The following PCDHGA10 variants were observed in gnomAD, a reference collection of about 807,000 sequenced individuals.
PCDHGA10 encodes the protein protocadherin gamma subfamily A, 10.
PCDHGA10 carries 42 observed loss-of-function variants against 59.5 expected under a neutral mutation model. The observed-to-expected ratio is 0.71, with a 90% CI of 0.55 to 0.91. The LOEUF (loss-of-function observed/expected upper bound fraction) is 0.91, where lower values mean the gene tolerates loss of function less well. Among genes scored for constraint, PCDHGA10 ranks in the 40% least tolerant of loss-of-function variants. PCDHGA10 has a pLI of 0.00. For synonymous variants in PCDHGA10, 511 were observed against 517.2 expected (o/e 0.99, Z 0.16); for missense variants, 1,111 against 1,198.2 (o/e 0.93, Z 1.07).
intron 1 of PCDHGA10, among the ~76,000 whole-genome samples, chr5:141,492,490 G>C (rs2099741140): frequency 6.6e-6 from 1 of 152,208 alleles, no homozygotes; most frequent in Non-Finnish European, 1.5e-5. Context: ...CCAGGACCAG[G>C]CGAGGACTCC....
intron 1 of PCDHGA10, among the ~76,000 whole-genome samples, chr5:141,434,854 A>G (rs2097723190): frequency 6.6e-6 from 1 of 151,936 alleles, no homozygotes; most frequent in Admixed American, 6.6e-5. Context: ...ACATCAATAA[A>G]TTTATATATA....
intron 1 of PCDHGA10, chr5:141,419,575 C>T (rs2096401495): frequency 6.2e-7 from 1 of 1,611,782 alleles, no homozygotes. Context: ...CCGACGGCTC[C>T]GCGCTCTTCG....
At chr5:141,507,797 C>A (rs933921827) in intron 3 of PCDHGA10, among the ~76,000 whole-genome samples, 1 of 152,240 alleles carries the variant, frequency 6.6e-6, no homozygotes, top group Admixed American at 6.5e-5. Context: ...TCTAAGCCTG[C>A]GCCCTGGGGA....
At chr5:141,461,009 A>T (rs1407993113) in intron 1 of PCDHGA10, among the ~76,000 whole-genome samples, 1 of 151,542 alleles carries the variant, frequency 6.6e-6, no homozygotes, top group Admixed American at 6.6e-5. Flanking sequence ...GTATATATAT[A>T]TACCACATTT....
Position 141,414,233 on chromosome 5 carries a change from T to A in PCDHGA10, c.1058T>A (p.Ile353Asn). ...DVNDNSPELTITSLFSPVTED... is the reference protein window; with the variant it reads ...DVNDNSPELTNTSLFSPVTED... ...AATGACAACAGTCCAGAGCTGACCA[T>A]CACGTCTCTATTTAGTCCAGTGACT... The change falls in exon 1 of 4, where the codon ATC (isoleucine) becomes AAC (asparagine). Residue 353 changes from isoleucine to asparagine, a missense_variant. Coordinates refer to ENST00000398610, the MANE Select transcript of PCDHGA10 (RefSeq NM_018913.3). 1 of 1,613,474 alleles carries A rather than the reference T, an allele frequency of 6.2e-7. No individual in the cohort carries two copies. Among genetic ancestry groups the A allele is most frequent in the Non-Finnish European group, 8.5e-7 (1 of 1,179,802 alleles).
At chr5:141,503,023 A>T (rs1163676028) in intron 2 of PCDHGA10, among the ~76,000 whole-genome samples, 1 of 141,884 alleles carries the variant, frequency 7.0e-6, no homozygotes, top group African/African-American at 2.6e-5. Context: ...TTTTTTTTTT[A>T]ATATCTATTT....
Position 141,487,272 on chromosome 5 carries a change from T to C in PCDHGA10, c.2437-7535T>C. 6.2e-7 allele frequency: 1 copy of C among 1,614,148 alleles called. No homozygotes were observed. The highest frequency in any genetic ancestry group is 8.5e-7 in the Non-Finnish European group (1 of 1,180,036). Reference sequence around the variant, plus strand: ...TACTTGGCTGTGTCCCTAGTGGCAATTTGCTTTGTCTCCTTTGGCTCATTC... The same window carrying C: ...TACTTGGCTGTGTCCCTAGTGGCAACTTGCTTTGTCTCCTTTGGCTCATTC... On this transcript the variant is annotated intron_variant, in intron 1 of 3. Coordinates refer to ENST00000398610, the MANE Select transcript of PCDHGA10 (RefSeq NM_018913.3). This position sits in a 1 kb window ranked among gnomAD's most constrained non-coding sequence, Gnocchi z 5.0.
At chr5:141,509,169 T>C (rs1321257504) in intron 3 of PCDHGA10, among the ~76,000 whole-genome samples, 2 of 152,174 alleles carry the variant, frequency 1.3e-5, no homozygotes, top group African/African-American at 4.8e-5. Context: ...TGTGCCCTCC[T>C]CCTCTTATGC....
chr5:141,426,437 C>T (rs914971616), intron 1 of PCDHGA10: 6 of 300,546 alleles, frequency 2.0e-5, no homozygotes, highest in South Asian at 6.4e-5. Flanking sequence ...GGGAACCTTG[C>T]GGAGGACATG....
intron 1 of PCDHGA10, among the ~76,000 whole-genome samples, chr5:141,451,107 C>G (rs768308463): frequency 1.2e-4 from 18 of 152,118 alleles, no homozygotes; most frequent in Non-Finnish European, 2.4e-4. Context: ...GGATTACAGG[C>G]GTGAGCCACC....
At chr5:141,438,635 T>TAC (rs56854727) in intron 1 of PCDHGA10, among the ~76,000 whole-genome samples, 5 of 33,422 alleles carry the variant, frequency 1.5e-4, no homozygotes, top group Admixed American at 8.3e-4. Flanking sequence ...TATATATATA[T>TAC]ACACACACAC....
chr5:141,497,840 C>T (rs1326804289), intron 2 of PCDHGA10, among the ~76,000 whole-genome samples: 1 of 152,154 alleles, frequency 6.6e-6, no homozygotes, highest in Non-Finnish European at 1.5e-5. Context: ...CCGGCCACAA[C>T]AAACATTTTT....
chr5:141,415,304 C>T lies in PCDHGA10; in HGVS notation c.2129C>T (p.Ala710Val), dbSNP rs1468756434. 2 of 1,614,188 alleles carry T rather than the reference C, an allele frequency of 1.2e-6. No homozygotes were observed. The highest frequency in any genetic ancestry group is 8.5e-7 in the Non-Finnish European group (1 of 1,180,032). The change falls in exon 1 of 4, where the codon GCC becomes GTC. Residue 710 changes from alanine to valine, a missense_variant. Ala to Val is a moderately conservative substitution (Grantham distance 64, BLOSUM62 0). Transcript: ENST00000398610. ...AVAAVSCVFL[A>V]FVIVLLAHRL... ...GCCGCGGTCTCCTGCGTCTTCCTGG[C>T]CTTCGTCATCGTGCTGCTGGCGCAC...
chr5:141,460,783 T>G (rs1000959104), intron 1 of PCDHGA10, among the ~76,000 whole-genome samples: 1 of 152,030 alleles, frequency 6.6e-6, no homozygotes, highest in Non-Finnish European at 1.5e-5. Flanking sequence ...TGTATACATA[T>G]ATACACACAA....
chr5:141,429,395 A>AAT (rs2097212201), intron 1 of PCDHGA10, among the ~76,000 whole-genome samples: 7 of 152,008 alleles, frequency 4.6e-5, no homozygotes, highest in African/African-American at 1.7e-4. Flanking sequence ...TTTAAAAAAA[A>AAT]TTGAGATTAA....
chr5:141,448,834 A>G (rs910945659), intron 1 of PCDHGA10, among the ~76,000 whole-genome samples: 2 of 151,780 alleles, frequency 1.3e-5, no homozygotes, highest in African/African-American at 4.8e-5. Context: ...AGTCCCAGCT[A>G]CTCTGGAGGC....
intron 1 of PCDHGA10, chr5:141,478,647 T>G (rs2099469515): frequency 6.4e-7 from 1 of 1,552,152 alleles, no homozygotes; most frequent in Non-Finnish European, 8.7e-7. Flanking sequence ...GAAGATGTTT[T>G]CCTGGTGATG....
intron 2 of PCDHGA10, among the ~76,000 whole-genome samples, chr5:141,501,287 TTA>T (rs1491235092): frequency 6.2e-5 from 6 of 96,980 alleles, no homozygotes; most frequent in African/African-American, 2.5e-4. Context: ...GGATATTCCC[TTA>T]TACACACACA....
chr5:141,497,466 G>T (rs1047422582), intron 2 of PCDHGA10, among the ~76,000 whole-genome samples: 2 of 152,020 alleles, frequency 1.3e-5, no homozygotes, highest in African/African-American at 4.8e-5. Flanking sequence ...TGGAGATATG[G>T]AGGAGAAGGT....
Sources: allele counts gnomAD v4.1 joint callset (sites outside exome capture counted in the v4.1 genomes callset), GRCh38; gene constraint gnomAD v4.1.1; non-coding constraint Gnocchi (gnomAD v3.1); transcripts MANE v1.5; gene names NCBI Gene and HGNC (gene_info 2026-07-23, HGNC 2026-07-21).